STEEP1: variants seen among roughly 807,000 people sequenced by gnomAD.
STEEP1 encodes the protein STING1 ER exit protein 1, also known as STING ER exit protein.
STEEP1 carries 3 observed loss-of-function variants against 19.2 expected under a neutral mutation model. The ratio of observed to expected loss-of-function variants is 0.16; its 90% CI spans 0.07 to 0.40. The LOEUF is 0.40. Among genes scored for constraint, STEEP1 ranks in the 10% least tolerant of loss-of-function variants. The pLI, the probability that STEEP1 is intolerant of heterozygous loss-of-function variation, is 0.99. For missense variants in STEEP1, 54 were observed against 177.1 expected, an observed-to-expected ratio of 0.30 and a Z score of 3.94; for synonymous variants, 46 against 63.7, an observed-to-expected ratio of 0.72 and a Z score of 1.32.
intron 1 of STEEP1, among the ~76,000 whole-genome samples, chrX:119,563,535 C>G (rs1214237353): frequency 2.2e-5 from 2 of 91,730 alleles, no homozygotes; most frequent in African/African-American, 8.4e-5. Context: ...GCAAGAAGAG[C>G]GAAACTCCAT....
chrX:119,560,447 C>T (rs2053313429), intron 1 of STEEP1, 62 bp from the exon 2 acceptor site: 3 of 752,308 alleles, frequency 4.0e-6, no homozygotes. Context: ...TGAGTCACTG[C>T]AAAATATCCT....
At chrX:119,541,929 A>G (rs1250555870) in intron 5 of STEEP1, among the ~76,000 whole-genome samples, 3 of 111,517 alleles carry the variant, frequency 2.7e-5, no homozygotes, top group African/African-American at 9.8e-5. Flanking sequence ...AGGCATCTCT[A>G]AAAATAGCAT....
intron 2 of STEEP1, among the ~76,000 whole-genome samples, chrX:119,553,066 A>G (rs2053254172): frequency 9.2e-6 from 1 of 108,164 alleles, no homozygotes; most frequent in African/African-American, 3.4e-5. Context: ...AGGTGGAAGA[A>G]TTACTTGAAC....
At chrX:119,555,141 C>T (rs190732236) in intron 2 of STEEP1, among the ~76,000 whole-genome samples, 65 of 109,291 alleles carry the variant, frequency 5.9e-4, no homozygotes, top group Non-Finnish European at 4.4e-4. Flanking sequence ...TGACTGTTTA[C>T]ATAGTCATCT....
chrX:119,541,505 A>G (rs772863431), intron 5 of STEEP1, 85 bp from the exon 6 acceptor site: 129 of 515,042 alleles, frequency 2.5e-4, no homozygotes, highest in Non-Finnish European at 3.4e-4. Context: ...TATACTACTC[A>G]AATCATGAAA....
chrX:119,549,114 T>C (rs1013114716), intron 2 of STEEP1, among the ~76,000 whole-genome samples: 3 of 111,458 alleles, frequency 2.7e-5, no homozygotes, highest in Non-Finnish European at 3.8e-5. Context: ...GGATATAAAG[T>C]TTCTGTTGCG....
At chrX:119,547,857 C>T (rs190653876) in intron 2 of STEEP1, among the ~76,000 whole-genome samples, 1 of 111,562 alleles carries the variant, frequency 9.0e-6, no homozygotes, top group Non-Finnish European at 1.9e-5. Flanking sequence ...AAAGACTAAT[C>T]ATCAGGGAAA....
intron 2 of STEEP1, among the ~76,000 whole-genome samples, chrX:119,559,455 T>A (rs924382269): frequency 9.0e-6 from 1 of 111,250 alleles, no homozygotes; most frequent in Admixed American, 9.7e-5. Context: ...CTTGGTGAAA[T>A]CCTAGTTCAG....
chrX:119,562,274 G>A (rs2053325135), intron 1 of STEEP1, among the ~76,000 whole-genome samples: 2 of 111,651 alleles, frequency 1.8e-5, no homozygotes, highest in Non-Finnish European at 3.8e-5. Flanking sequence ...GCTCACGTCT[G>A]TAATCCCAGC....
intron 2 of STEEP1, among the ~76,000 whole-genome samples, chrX:119,547,256 T>C (rs1162975614): frequency 8.9e-6 from 1 of 112,319 alleles, no homozygotes; most frequent in Non-Finnish European, 1.9e-5. Flanking sequence ...ATTGTATTCC[T>C]TTGTATAGAT....
chrX:119,546,612 C>T (rs1001123972), intron 2 of STEEP1, among the ~76,000 whole-genome samples: 1 of 110,558 alleles, frequency 9.0e-6, no homozygotes, highest in Non-Finnish European at 1.9e-5. Flanking sequence ...AATTTAAGCC[C>T]AGGCAGTCAA....
At chrX:119,565,080 G>A in intron 1 of STEEP1, 152 bp downstream of exon 1, 2 of 928,314 alleles carry the variant, frequency 2.2e-6, no homozygotes, top group Non-Finnish European at 2.9e-6. Context: ...CCTGGAGTGG[G>A]GCGGGGATGC....
intron 5 of STEEP1, among the ~76,000 whole-genome samples, chrX:119,542,228 G>A (rs1480207783): frequency 3.7e-5 from 4 of 108,095 alleles, no homozygotes; most frequent in Non-Finnish European, 7.7e-5. Flanking sequence ...CAACACGCCC[G>A]GCTAATTTTT....
chrX:119,565,364 A>G lies in STEEP1; in HGVS notation c.-9T>C, dbSNP rs1250413740. 1.7e-5 allele frequency: 20 copies of G among 1,180,369 alleles called. No homozygotes were observed. Among genetic ancestry groups the G allele is most frequent in the East Asian group, 6.0e-5 (2 of 33,532 alleles). On this transcript the variant is annotated 5_prime_UTR_variant, in exon 1 of 7. Coordinates refer to ENST00000644802, the MANE Select transcript of STEEP1 (RefSeq NM_022101.4). ...GACACTACTTTCGGCATGATTCCCA[A>G]GAGCAATCTGAAAACTCTACGCCAA...
intron 2 of STEEP1, 121 bp from the exon 3 acceptor site, chrX:119,545,625 G>A (rs2053197687): frequency 6.5e-6 from 3 of 464,975 alleles, no homozygotes; most frequent in Non-Finnish European, 1.2e-5. Flanking sequence ...GGCCGGGCAC[G>A]GTGGCTCACG....
At chrX:119,548,907 G>A in intron 2 of STEEP1, among the ~76,000 whole-genome samples, 1 of 112,094 alleles carries the variant, frequency 8.9e-6, no homozygotes, top group African/African-American at 3.2e-5. Flanking sequence ...TGAAAAGAAG[G>A]AAATCCTGCC....
chrX:119,550,652 G>A (rs924528080), intron 2 of STEEP1, among the ~76,000 whole-genome samples: 1 of 111,810 alleles, frequency 8.9e-6, no homozygotes, highest in African/African-American at 3.2e-5. Context: ...GCTTGGATTA[G>A]GCAAACATTT....
At position 119,539,190 on chromosome X, in the gene STEEP1, G is replaced by C. The variant is rs1412932581; in HGVS notation, c.*537C>G. On this transcript the variant is annotated 3_prime_UTR_variant, in exon 7 of 7. Transcript: ENST00000644802. ...GTTTGCATCAAGTGGACAAAAAATA[G>C]TACAGAAAACCTAAATACAGAAAAA... 2.7e-5 allele frequency: 3 copies of C among 111,732 alleles called. No homozygotes were observed. The highest frequency in any genetic ancestry group is 1.9e-4 in the Admixed American group (2 of 10,442). 9.2% of individuals were successfully genotyped at this position (111,732 alleles called of 1,213,427 possible).
intron 1 of STEEP1, among the ~76,000 whole-genome samples, chrX:119,564,469 C>G (rs1356778741): frequency 1.2e-5 from 1 of 84,417 alleles, no homozygotes; most frequent in Non-Finnish European, 2.2e-5. Context: ...GCACTCCAGC[C>G]TGGGCAGCAG....
Sources: gnomAD v4.1 joint callset for allele counts (sites outside exome capture counted in the v4.1 genomes callset) on GRCh38, gnomAD v4.1.1 for gene constraint, MANE v1.5 for transcripts, NCBI Gene and HGNC (gene_info 2026-07-23, HGNC 2026-07-21) for gene names.